Variants in PCMTD2 observed in about 807,000 individuals in gnomAD.
The protein encoded by PCMTD2 is protein-L-isoaspartate O-methyltransferase domain-containing protein 2.
In PCMTD2, 16 loss-of-function variants were observed where a neutral mutation model predicts 33.4. That is an observed-to-expected ratio of 0.48 (90% CI 0.32 to 0.73). PCMTD2 has a LOEUF of 0.73. Among genes scored for constraint, PCMTD2 ranks in the 30% least tolerant of loss-of-function variants. PCMTD2 has a pLI of 0.03. For missense variants in PCMTD2, 374 were observed against 449.9 expected, an observed-to-expected ratio of 0.83 and a Z score of 1.53; for synonymous variants, 161 against 160.8, an observed-to-expected ratio of 1.00 and a Z score of -0.01.
chr20:64,275,126 T>C lies in PCMTD2; in HGVS notation c.*1526T>C, dbSNP rs943702978. The stretch of plus-strand genomic sequence containing the variant: ...TTTTTACCACACAGTCCAGTTTGCA[T>C]GTATAGCTAGGAAACATGTATTGCT... On this transcript the variant is annotated 3_prime_UTR_variant, in exon 6 of 6. Coordinates refer to ENST00000308824, the MANE Select transcript of PCMTD2 (RefSeq NM_018257.3). 1.7e-4 allele frequency: 26 copies of C among 152,204 alleles called. No homozygotes were observed. Among genetic ancestry groups the C allele is most frequent in the Non-Finnish European group, 8.8e-5 (6 of 68,020 alleles). 9.4% of individuals were successfully genotyped at this position (152,204 alleles called of 1,614,324 possible).
intron 1 of PCMTD2, among the ~76,000 whole-genome samples, chr20:64,256,189 G>A (rs574230756): frequency 6.6e-6 from 1 of 152,364 alleles, no homozygotes; most frequent in Admixed American, 6.5e-5. Context: ...AACGTTTGCA[G>A]TTCCAAGGCA....
At chr20:64,272,004 C>T (rs935421972) in intron 5 of PCMTD2, 5 of 341,660 alleles carry the variant, frequency 1.5e-5, no homozygotes, top group Middle Eastern at 1.0e-3. Flanking sequence ...GCAAGAGGCA[C>T]GATCGTGGTG....
At chr20:64,260,316 A>G (rs1323747530) in intron 2 of PCMTD2, 44 bp downstream of exon 2, 3 of 1,375,618 alleles carry the variant, frequency 2.2e-6, no homozygotes, top group Admixed American at 3.6e-5. Context: ...GTCTCAGGGA[A>G]GGAGGCATCT....
In PCMTD2 at chr20:64,273,646, G is replaced by A; in HGVS notation, c.*46G>A. Reference sequence around the variant, plus strand: ...AAATAGGAAGAGCAGATTGCTGAGTGTGAAGTTCGTGCTGCCTGTGTGCTG... The same window carrying A: ...AAATAGGAAGAGCAGATTGCTGAGTATGAAGTTCGTGCTGCCTGTGTGCTG... On this transcript the variant is annotated 3_prime_UTR_variant, in exon 6 of 6. Coordinates refer to ENST00000308824, the MANE Select transcript of PCMTD2 (RefSeq NM_018257.3). The A allele has an allele frequency of 2.7e-6, 4 of 1,491,338 alleles. No homozygotes were observed. Among genetic ancestry groups the A allele is most frequent in the Middle Eastern group, 4.3e-4 (2 of 4,638 alleles). The allele number at this position is 1,491,338 out of a possible 1,614,324, so 92.4% of individuals were successfully genotyped here.
intron 2 of PCMTD2, chr20:64,262,488 G>C (rs1280478743): frequency 6.6e-6 from 1 of 152,422 alleles, no homozygotes; most frequent in Non-Finnish European, 1.5e-5. Context: ...GTGACTTCAG[G>C]GTTTGCTGTC....
At chr20:64,270,312 TGTGA>T (rs1166654181) in intron 5 of PCMTD2, among the ~76,000 whole-genome samples, 1 of 142,012 alleles carries the variant, frequency 7.0e-6, no homozygotes, top group Middle Eastern at 4.0e-3. Flanking sequence ...TGTGGGATCG[TGTGA>T]GTGCACAGTG....
At chr20:64,268,941 T>C (rs1985770042) in intron 5 of PCMTD2, among the ~76,000 whole-genome samples, 1 of 152,022 alleles carries the variant, frequency 6.6e-6, no homozygotes. Context: ...TGGCAGAGGG[T>C]GATGTCTGTG....
intron 1 of PCMTD2, among the ~76,000 whole-genome samples, chr20:64,256,135 G>A (rs1455089639): frequency 6.6e-6 from 1 of 152,208 alleles, no homozygotes; most frequent in Non-Finnish European, 1.5e-5. Context: ...TCTTGGGTCT[G>A]GTTAGTCCAG....
chr20:64,265,396 G>C lies in PCMTD2; in HGVS notation c.549G>C (p.Val183=), dbSNP rs1425420349. 5.6e-6 allele frequency: 9 copies of C among 1,612,942 alleles called. No individual in the cohort carries two copies. The highest frequency in any genetic ancestry group is 7.6e-6 in the Non-Finnish European group (9 of 1,179,530). Residue 183 remains valine (V), a synonymous_variant, in exon 4 of 6, where the codon GTG becomes GTC. Transcript: ENST00000308824. ...HEEYMKNLLK[V]GGILVMPLEE... Reference sequence around the variant, plus strand: ...AGTACATGAAGAATCTTCTCAAAGTGGGAGGGATCCTTGTCATGCCACTGG... The same window carrying C: ...AGTACATGAAGAATCTTCTCAAAGTCGGAGGGATCCTTGTCATGCCACTGG...
chr20:64,272,123 G>A, intron 5 of PCMTD2: 1 of 398,682 alleles, frequency 2.5e-6, no homozygotes, highest in Non-Finnish European at 5.1e-6. Flanking sequence ...AGGTTGAAGG[G>A]AGAAGGTGCT....
Position 64,275,293 on chromosome 20 carries a change from T to C in PCMTD2, c.*1693T>C, listed in dbSNP as rs1265972831. ...ATATTTTGTAGTTTGGAGATCCTTGTGGGCATTATTCTAACTGATACGTAG... is the reference window on the plus strand; with the variant it reads ...ATATTTTGTAGTTTGGAGATCCTTGCGGGCATTATTCTAACTGATACGTAG... On this transcript the variant is annotated 3_prime_UTR_variant, in exon 6 of 6. Transcript: ENST00000308824. 5 of 152,242 alleles carry C rather than the reference T, an allele frequency of 3.3e-5. No homozygotes were observed. The highest frequency in any genetic ancestry group is 1.2e-4 in the African/African-American group (5 of 41,476). 9.4% of individuals were successfully genotyped at this position (152,242 alleles called of 1,614,324 possible). A position where few individuals can be genotyped will look rare whatever the true frequency, so the allele number is the denominator to read the frequency against.
chr20:64,259,836 A>G (rs890476524), intron 1 of PCMTD2, 106 bp from the exon 2 acceptor site: 3 of 615,540 alleles, frequency 4.9e-6, no homozygotes, highest in Non-Finnish European at 8.5e-6. Flanking sequence ...AAGATAATCT[A>G]TTATTTTCAG....
At position 64,274,229 on chromosome 20, in the gene PCMTD2, A is replaced by G. The variant is rs1176419357; in HGVS notation, c.*629A>G. The G allele has an allele frequency of 6.6e-6, 1 of 152,082 alleles. No homozygotes were observed. The highest frequency in any genetic ancestry group is 1.5e-5 in the Non-Finnish European group (1 of 68,026). The allele number at this position is 152,082 out of a possible 1,614,324, so 9.4% of individuals were successfully genotyped here. ...TGCCAGTTGTAATTTTTCAAAGGAAAAATTTTGATGGGGTGGAGGAATGAA... is the reference window on the plus strand; with the variant it reads ...TGCCAGTTGTAATTTTTCAAAGGAAGAATTTTGATGGGGTGGAGGAATGAA... On this transcript the variant is annotated 3_prime_UTR_variant, in exon 6 of 6. Transcript: ENST00000308824.
At chr20:64,261,909 A>G (rs1985431526) in intron 2 of PCMTD2, among the ~76,000 whole-genome samples, 1 of 152,236 alleles carries the variant, frequency 6.6e-6, no homozygotes, top group African/African-American at 2.4e-5. Flanking sequence ...TGACTAGATT[A>G]GAAATACTAT....
Position 64,273,277 on chromosome 20 carries a change from A to G in PCMTD2, c.763A>G (p.Ile255Val), listed in dbSNP as rs756423219. ...GGCTCGCATCGCCATCCGGGGCACCATTAAAAAGATTATTCATCAGGAAAC... is the reference window on the plus strand; with the variant it reads ...GGCTCGCATCGCCATCCGGGGCACCGTTAAAAAGATTATTCATCAGGAAAC... ...DLARIAIRGTIKKIIHQETVS... is the reference protein window; with the variant it reads ...DLARIAIRGTVKKIIHQETVS... The change falls in exon 6 of 6, where the codon ATT (isoleucine) becomes GTT (valine). Residue 255 changes from isoleucine to valine, a missense_variant. Ile to Val is a conservative substitution (Grantham distance 29). Coordinates refer to ENST00000308824, the MANE Select transcript of PCMTD2 (RefSeq NM_018257.3). The G allele has an allele frequency of 2.7e-5, 44 of 1,613,988 alleles. No homozygotes were observed. Among genetic ancestry groups the G allele is most frequent in the Non-Finnish European group, 3.6e-5 (43 of 1,179,930 alleles).
At chr20:64,264,054 A>G (rs1240302417) in intron 2 of PCMTD2, among the ~76,000 whole-genome samples, 1 of 152,198 alleles carries the variant, frequency 6.6e-6, no homozygotes, top group Non-Finnish European at 1.5e-5. Flanking sequence ...GAATATTATA[A>G]TGCTCACATC....
intron 1 of PCMTD2, among the ~76,000 whole-genome samples, chr20:64,258,319 T>C (rs1459611077): frequency 6.6e-6 from 1 of 152,176 alleles, no homozygotes; most frequent in Non-Finnish European, 1.5e-5. Context: ...CTTAATTCCA[T>C]CTAAGTCTAA....
chr20:64,267,873 T>A lies in PCMTD2; in HGVS notation c.583-14T>A. On this transcript the variant is annotated splice_polypyrimidine_tract_variant and intron_variant, in intron 4 of 5. Coordinates refer to ENST00000308824, the MANE Select transcript of PCMTD2 (RefSeq NM_018257.3). ...CCAATTCTTTTGAATATTCTCATTT[T>A]GTCTCTGGGATAGTTGACTAAGATA... 1 of 1,610,590 alleles carries A rather than the reference T, an allele frequency of 6.2e-7. No homozygotes were observed. Among genetic ancestry groups the A allele is most frequent in the Non-Finnish European group, 8.5e-7 (1 of 1,177,538 alleles).
Position 64,259,969 on chromosome 20 carries a change from GGCGGT to G in PCMTD2, c.7_11del (p.Gly3CysfsTer5). 3 of 1,605,314 alleles carry G rather than the reference GGCGGT, an allele frequency of 1.9e-6. No individual in the cohort carries two copies. Among genetic ancestry groups the G allele is most frequent in the Non-Finnish European group, 2.6e-6 (3 of 1,172,376 alleles). On this transcript the variant is annotated frameshift_variant, in exon 2 of 6. Coordinates refer to ENST00000308824, the MANE Select transcript of PCMTD2 (RefSeq NM_018257.3). LOFTEE classifies it high-confidence loss of function. ...TTGCCTAAGTGTAATCTTGAACATG[GGCGGT>G]GCTGTGAGTGCTGGTGAAGACAATG...
Sources: gnomAD v4.1 joint callset for allele counts (sites outside exome capture counted in the v4.1 genomes callset) on GRCh38, gnomAD v4.1.1 for gene constraint, MANE v1.5 for transcripts, NCBI Gene and HGNC (gene_info 2026-07-23, HGNC 2026-07-21) for gene names.